The following COX7B2 variants were observed in gnomAD, a reference collection of about 807,000 sequenced individuals.
COX7B2 encodes the protein cytochrome c oxidase subunit 7B2.
For missense variants in COX7B2, 109 were observed against 95.9 expected, an observed-to-expected ratio of 1.14 and a Z score of -0.57; for synonymous variants, 37 against 32.1, an observed-to-expected ratio of 1.15 and a Z score of -0.51.
At chr4:46,854,171 C>A (rs1263641402) in intron 1 of COX7B2, among the ~76,000 whole-genome samples, 1 of 152,040 alleles carries the variant, frequency 6.6e-6, no homozygotes, top group African/African-American at 2.4e-5. Flanking sequence ...CAATATGTAT[C>A]AACATACAAG....
intron 2 of COX7B2, among the ~76,000 whole-genome samples, chr4:46,822,052 T>C (rs1472648500): frequency 6.6e-6 from 1 of 152,068 alleles, no homozygotes; most frequent in African/African-American, 2.4e-5. Flanking sequence ...GCTGGGACTA[T>C]AGGCGCATGC....
At chr4:46,885,300 T>A (rs1359985061) in intron 1 of COX7B2, among the ~76,000 whole-genome samples, 1 of 152,106 alleles carries the variant, frequency 6.6e-6, no homozygotes, top group Non-Finnish European at 1.5e-5. Context: ...AACACGCATA[T>A]AATCACACAC....
At chr4:46,862,832 G>T (rs974149077) in intron 1 of COX7B2, among the ~76,000 whole-genome samples, 2 of 152,146 alleles carry the variant, frequency 1.3e-5, no homozygotes, top group African/African-American at 4.8e-5. Flanking sequence ...CTATTAAAAA[G>T]AAATAAATTA....
chr4:46,779,300 C>T (rs148805422), intron 2 of COX7B2, among the ~76,000 whole-genome samples: 3 of 152,264 alleles, frequency 2.0e-5, no homozygotes, highest in African/African-American at 7.2e-5. Flanking sequence ...TGGCTTATTT[C>T]ACTTAGCAAA....
chr4:46,863,360 C>G (rs1190446033), intron 1 of COX7B2, among the ~76,000 whole-genome samples: 1 of 151,918 alleles, frequency 6.6e-6, no homozygotes, highest in Admixed American at 6.6e-5. Flanking sequence ...CAGGACAAGT[C>G]GGAAAGTACA....
intron 2 of COX7B2, among the ~76,000 whole-genome samples, chr4:46,830,158 T>C (rs908188013): frequency 6.6e-6 from 1 of 151,872 alleles, no homozygotes. Flanking sequence ...ACCCCGTCTG[T>C]ACTAAAAATA....
At position 46,735,777 on chromosome 4, in the gene COX7B2, C is replaced by A. The variant is rs188425709; in HGVS notation, c.-49-536G>T. On this transcript the variant is annotated intron_variant, in intron 2 of 2. Coordinates refer to ENST00000355591, the MANE Select transcript of COX7B2 (RefSeq NM_130902.3). The stretch of plus-strand genomic sequence containing the variant: ...TTTCCATATCTCACTAAGTTGAATA[C>A]ACCCCTTTGTCTCTGGGTTATCACA... Among the ~76,000 whole-genome samples the A allele has an allele frequency of 1.6e-4, 25 of 152,276 alleles. No individual in the cohort carries two copies. The East Asian group carries it at 4.8e-3, about 29-fold the overall frequency.
chr4:46,813,811 C>A (rs28483927), intron 2 of COX7B2, among the ~76,000 whole-genome samples: 2,195 of 152,070 alleles, frequency 0.014, 49 homozygotes, highest in African/African-American at 0.05. Context: ...GCAGTTAATA[C>A]CCAGAATATA....
chr4:46,795,502 A>T (rs1718277231), intron 2 of COX7B2, among the ~76,000 whole-genome samples: 1 of 143,006 alleles, frequency 7.0e-6, no homozygotes, highest in Non-Finnish European at 1.5e-5. Context: ...CAAAGATCAG[A>T]TAGTTGTAGA....
intron 2 of COX7B2, among the ~76,000 whole-genome samples, chr4:46,794,726 C>A (rs1038058385): frequency 2.0e-5 from 3 of 152,112 alleles, no homozygotes; most frequent in Non-Finnish European, 4.4e-5. Context: ...TGATGGAGAG[C>A]AGAGTCAAAA....
chr4:46,810,284 A>G (rs1719222803), intron 2 of COX7B2, among the ~76,000 whole-genome samples: 1 of 152,044 alleles, frequency 6.6e-6, no homozygotes, highest in Non-Finnish European at 1.5e-5. Context: ...TGTTACTGAT[A>G]CATAGGGACT....
chr4:46,858,865 T>C (rs1255499732), intron 1 of COX7B2, among the ~76,000 whole-genome samples: 1 of 152,202 alleles, frequency 6.6e-6, no homozygotes, highest in Non-Finnish European at 1.5e-5. Flanking sequence ...TAGGAAGGGA[T>C]TAACCACTTT....
At chr4:46,752,659 T>A (rs1715469129) in intron 2 of COX7B2, among the ~76,000 whole-genome samples, 1 of 152,196 alleles carries the variant, frequency 6.6e-6, no homozygotes. Flanking sequence ...AAGCCTTTTC[T>A]CCATCTATTG....
At chr4:46,761,632 T>A (rs1454991131) in intron 2 of COX7B2, among the ~76,000 whole-genome samples, 1 of 152,108 alleles carries the variant, frequency 6.6e-6, no homozygotes, top group African/African-American at 2.4e-5. Flanking sequence ...GAAATCCGAA[T>A]GTTTGGACTC....
At chr4:46,822,909 T>C (rs1446206036) in intron 2 of COX7B2, among the ~76,000 whole-genome samples, 1 of 152,182 alleles carries the variant, frequency 6.6e-6, no homozygotes, top group Non-Finnish European at 1.5e-5. Context: ...ACTATACAAA[T>C]AGCAAATTAA....
Position 46,784,574 on chromosome 4 carries a change from A to G in COX7B2, c.-49-49333T>C, listed in dbSNP as rs367943061. On this transcript the variant is annotated intron_variant, in intron 2 of 2. Coordinates refer to ENST00000355591, the MANE Select transcript of COX7B2 (RefSeq NM_130902.3). ...CGGGAGGCGGAGGTTGCAGTGAGCC[A>G]AGATAGCACCATTGCACTCTAGTCT... Among the ~76,000 whole-genome samples the G allele has an allele frequency of 2.6e-3, 394 of 152,272 alleles. 3 individuals are homozygous for G. The highest frequency in any genetic ancestry group is 8.9e-3 in the African/African-American group (371 of 41,556).
rs192296712 is a variant in COX7B2 at position 46,788,831 on chromosome 4, C to A, written c.-49-53590G>T. ...TGATTTCATCTATCTTTTGATGGAA[C>A]CCATAAACTTATATTGATCTAAGTC... On this transcript the variant is annotated intron_variant, in intron 2 of 2. Transcript: ENST00000355591. Among the ~76,000 whole-genome samples the A allele has an allele frequency of 1.2e-3, 186 of 152,192 alleles. 1 individual carries two copies. Among genetic ancestry groups the A allele is most frequent in the African/African-American group, 4.2e-3 (176 of 41,546 alleles).
At chr4:46,754,724 G>GTATATATATATATA (rs776374967) in intron 2 of COX7B2, among the ~76,000 whole-genome samples, 10 of 46,812 alleles carry the variant, frequency 2.1e-4, no homozygotes, top group African/African-American at 4.4e-4. Flanking sequence ...GTGTGTGTGT[G>GTATATATATATATA]TGTGTATATA....
At chr4:46,826,161 A>T (rs1016382610) in intron 2 of COX7B2, among the ~76,000 whole-genome samples, 2 of 152,084 alleles carry the variant, frequency 1.3e-5, no homozygotes, top group Admixed American at 6.6e-5. Context: ...TCTATAAAAA[A>T]CTTAAAAATT....
Sources: allele counts gnomAD v4.1 joint callset (sites outside exome capture counted in the v4.1 genomes callset), GRCh38; gene constraint gnomAD v4.1.1; transcripts MANE v1.5; gene names NCBI Gene and HGNC (gene_info 2026-07-23, HGNC 2026-07-21).